UBE2QL1: variants seen among roughly 807,000 people sequenced by gnomAD.
The protein encoded by UBE2QL1 is ubiquitin conjugating enzyme E2 QL1.
In UBE2QL1, 5 loss-of-function variants were observed where a neutral mutation model predicts 12.6. The observed-to-expected ratio is 0.40, with a 90% CI of 0.21 to 0.83. The LOEUF is 0.83. UBE2QL1 is among the 40% of genes least tolerant of loss of function. UBE2QL1 has a pLI of 0.37. For synonymous variants in UBE2QL1, 96 were observed against 94.5 expected (o/e 1.02, Z -0.10); for missense variants, 99 against 222.6 (o/e 0.44, Z 3.53).
intron 1 of UBE2QL1, among the ~76,000 whole-genome samples, chr5:6,454,286 C>T (rs1739472512): frequency 6.6e-6 from 1 of 152,162 alleles, no homozygotes; most frequent in Non-Finnish European, 1.5e-5. Flanking sequence ...CTCATTTCTC[C>T]TGAGTCCTGC....
intron 1 of UBE2QL1, among the ~76,000 whole-genome samples, chr5:6,451,248 A>ATG (rs149336608): frequency 6.7e-6 from 1 of 150,292 alleles, no homozygotes; most frequent in Non-Finnish European, 1.5e-5. Flanking sequence ...AGAAATGGGG[A>ATG]TTTTTTTTTT....
intron 1 of UBE2QL1, among the ~76,000 whole-genome samples, chr5:6,454,269 A>G (rs1739472244): frequency 6.6e-6 from 1 of 152,180 alleles, no homozygotes; most frequent in Non-Finnish European, 1.5e-5. Context: ...TCAAGGTGTC[A>G]GCAGGGCTCA....
rs883525 is a variant in UBE2QL1, at chr5:6,495,466, C to T, written c.*4117C>T. On this transcript the variant is annotated 3_prime_UTR_variant, in exon 2 of 2. Transcript: ENST00000399816. ...AGGCGAGCCCAGAGACTTTGAGGGG[C>T]TTGTCCACAGTAGGACAGGAGCCAC... is the stretch of plus-strand genomic sequence containing the variant. Among the ~76,000 whole-genome samples, 13,105 of 152,198 alleles carry T rather than the reference C, an allele frequency of 0.086. 1,597 individuals carry two copies. The highest frequency in any genetic ancestry group is 0.27 in the African/African-American group (11,096 of 41,500).
At chr5:6,466,227 C>T (rs1368833093) in intron 1 of UBE2QL1, among the ~76,000 whole-genome samples, 3 of 152,252 alleles carry the variant, frequency 2.0e-5, no homozygotes, top group African/African-American at 4.8e-5. Flanking sequence ...ACCAGGGTCA[C>T]CTCCAGTCCT....
Position 6,474,989 on chromosome 5 carries a change from T to A in UBE2QL1, c.355-16229T>A, listed in dbSNP as rs186346514. The stretch of plus-strand genomic sequence containing the variant: ...TTCCCCGATGATGACTGAGCATGTG[T>A]GTGCATGTGAAGTCCTTGTGGCAGT... On this transcript the variant is annotated intron_variant, in intron 1 of 1. Coordinates refer to ENST00000399816, the MANE Select transcript of UBE2QL1 (RefSeq NM_001145161.3). Among the ~76,000 whole-genome samples, 17 of 152,356 alleles carry A rather than the reference T, an allele frequency of 1.1e-4. No homozygotes were observed. In the East Asian group the frequency reaches 1.9e-3, roughly 17 times the overall value.
chr5:6,489,284 TGTG>T (rs1192978395), intron 1 of UBE2QL1, among the ~76,000 whole-genome samples: 1 of 151,846 alleles, frequency 6.6e-6, no homozygotes, highest in Non-Finnish European at 1.5e-5. Flanking sequence ...ATTAGATAAA[TGTG>T]GTGGCTCACA....
chr5:6,461,618 A>G (rs1739667941), intron 1 of UBE2QL1, among the ~76,000 whole-genome samples: 1 of 144,624 alleles, frequency 6.9e-6, no homozygotes, highest in South Asian at 2.2e-4. Flanking sequence ...AATGATATCT[A>G]AATCAGTTCC....
At chr5:6,454,200 T>C (rs1739471526) in intron 1 of UBE2QL1, among the ~76,000 whole-genome samples, 1 of 152,120 alleles carries the variant, frequency 6.6e-6, no homozygotes, top group East Asian at 1.9e-4. Context: ...CACAAAATGT[T>C]TAAAGGCCCT....
At chr5:6,486,755 A>G (rs1028288566) in intron 1 of UBE2QL1, among the ~76,000 whole-genome samples, 1 of 152,224 alleles carries the variant, frequency 6.6e-6, no homozygotes, top group African/African-American at 2.4e-5. Flanking sequence ...TTAGTTCTAC[A>G]CACCAGTTGT....
chr5:6,472,370 C>G (rs1036876142), intron 1 of UBE2QL1, among the ~76,000 whole-genome samples: 1 of 152,098 alleles, frequency 6.6e-6, no homozygotes, highest in Non-Finnish European at 1.5e-5. Flanking sequence ...TGGATTGTCT[C>G]GAGGTATTGC....
At position 6,449,059 on chromosome 5, in the gene UBE2QL1, C is replaced by G; in HGVS notation, c.166C>G (p.Leu56Val). ...CAACACCGAGTTCATCCTGCTCAAC[C>G]TCACCTTCCCCGACAACTTCCCCTT... Reference protein sequence around the residue: ...ETNTEFILLNLTFPDNFPFSP... With the variant: ...ETNTEFILLNVTFPDNFPFSP... Residue 56 changes from leucine (L) to valine (V), a missense_variant, in exon 1 of 2, where the codon CTC becomes GTC. Leu to Val is a conservative substitution (Grantham distance 32). Transcript: ENST00000399816. The G allele has an allele frequency of 6.5e-7, 1 of 1,549,032 alleles. No individual in the cohort carries two copies.
At chr5:6,463,193 A>G (rs1417104448) in intron 1 of UBE2QL1, among the ~76,000 whole-genome samples, 1 of 152,220 alleles carries the variant, frequency 6.6e-6, no homozygotes, top group African/African-American at 2.4e-5. Flanking sequence ...ACAGATTGGT[A>G]GTATTCTTAA....
chr5:6,455,870 C>T (rs186414096), intron 1 of UBE2QL1, among the ~76,000 whole-genome samples: 6 of 152,272 alleles, frequency 3.9e-5, no homozygotes, highest in African/African-American at 7.2e-5. Flanking sequence ...CCTGACTCAG[C>T]GCCTTCAAAG....
intron 1 of UBE2QL1, among the ~76,000 whole-genome samples, chr5:6,489,114 C>T (rs956760042): frequency 6.6e-6 from 1 of 152,122 alleles, no homozygotes; most frequent in South Asian, 2.1e-4. Context: ...AGCAACTCTT[C>T]CTATGTGAGT....
chr5:6,487,281 GA>G (rs1178526998), intron 1 of UBE2QL1, among the ~76,000 whole-genome samples: 6 of 152,112 alleles, frequency 3.9e-5, no homozygotes, highest in African/African-American at 1.4e-4. Flanking sequence ...GGCCATAAGG[GA>G]AAAAAAGAAT....
Position 6,476,696 on chromosome 5 carries a change from T to C in UBE2QL1, c.355-14522T>C, listed in dbSNP as rs2126358931. The stretch of plus-strand genomic sequence containing the variant: ...TTTGGGGCAGTACCTTTTGGTTCCT[T>C]TCATTGCCTGGAGTGACCTTTGGTC... On this transcript the variant is annotated intron_variant, in intron 1 of 1. Transcript: ENST00000399816. This position sits in a 1 kb window ranked among gnomAD's most constrained non-coding sequence, Gnocchi z 4.9. Among the ~76,000 whole-genome samples, 1 of 152,300 alleles carries C rather than the reference T, an allele frequency of 6.6e-6. No homozygotes were observed. Among genetic ancestry groups the C allele is most frequent in the South Asian group, 2.1e-4 (1 of 4,822 alleles).
rs78204166 is a variant in UBE2QL1 at position 6,456,958 on chromosome 5, C to T, written c.354+7711C>T. ...TTCAGTGCTAGGCTCTCCTCTCCCG[C>T]TCTCTTCCTCTCCAGCCCTGTGCTC... is the stretch of plus-strand genomic sequence containing the variant. On this transcript the variant is annotated intron_variant, in intron 1 of 1. Transcript: ENST00000399816. Among the ~76,000 whole-genome samples, 351 of 152,014 alleles carry T rather than the reference C, an allele frequency of 2.3e-3. 2 individuals are homozygous for T. Among genetic ancestry groups the T allele is most frequent in the African/African-American group, 8.2e-3 (340 of 41,452 alleles).
chr5:6,455,067 CTT>C (rs1159058613), intron 1 of UBE2QL1, among the ~76,000 whole-genome samples: 3 of 152,226 alleles, frequency 2.0e-5, no homozygotes, highest in East Asian at 3.9e-4. Flanking sequence ...CACCATGAGA[CTT>C]TGAGAATCTG....
chr5:6,475,207 AAAGT>A (rs1459167992), intron 1 of UBE2QL1, among the ~76,000 whole-genome samples: 1 of 152,230 alleles, frequency 6.6e-6, no homozygotes, highest in Non-Finnish European at 1.5e-5. Flanking sequence ...TAATGACCTA[AAAGT>A]AATAATAGCC....
Sources: gnomAD v4.1 joint callset for allele counts (sites outside exome capture counted in the v4.1 genomes callset) on GRCh38, gnomAD v4.1.1 for gene constraint, Gnocchi (gnomAD v3.1) non-coding constraint, MANE v1.5 for transcripts, NCBI Gene and HGNC (gene_info 2026-07-23, HGNC 2026-07-21) for gene names.